The following ZNF197 variants were observed in gnomAD, a reference collection of about 807,000 sequenced individuals.
ZNF197 encodes VHL-associated KRAB-A domain-containing protein.
In ZNF197, 14 loss-of-function variants were observed where a neutral mutation model predicts 27.4. That is an observed-to-expected ratio of 0.51 (90% CI 0.34 to 0.80). The LOEUF (loss-of-function observed/expected upper bound fraction) is 0.80. Ranked by LOEUF, ZNF197 falls within the 30% of genes least tolerant of loss-of-function variation. The pLI, the probability that ZNF197 is intolerant of heterozygous loss-of-function variation, is 0.02. For missense variants in ZNF197, 1,090 were observed against 1,222.6 expected, an observed-to-expected ratio of 0.89 and a Z score of 1.62; for synonymous variants, 415 against 420.0, an observed-to-expected ratio of 0.99 and a Z score of 0.15.
Position 44,646,389 on chromosome 3 carries a change from C to CTTA in ZNF197, c.*2170_*2172dup. 1 of 1,582,066 alleles carries CTTA rather than the reference C, an allele frequency of 6.3e-7. No homozygotes were observed. Among genetic ancestry groups the CTTA allele is most frequent in the African/African-American group, 1.4e-5 (1 of 73,630 alleles). ...CACCGAGTAACAAAATGTCACATTG[C>CTTA]TTAGATTGAGACAGCCCACATAATG... On this transcript the variant is annotated 3_prime_UTR_variant, in exon 6 of 6. Coordinates refer to ENST00000344387, the MANE Select transcript of ZNF197 (RefSeq NM_006991.5).
chr3:44,632,995 C>T (rs542947318), intron 5 of ZNF197, among the ~76,000 whole-genome samples: 19 of 152,288 alleles, frequency 1.2e-4, no homozygotes, highest in African/African-American at 4.3e-4. Flanking sequence ...GTCTCTGTGC[C>T]TAAGGCCTTC....
chr3:44,642,564 G>A lies in ZNF197; in HGVS notation c.1434G>A (p.Gly478=), dbSNP rs2125822565. ...GLIIHLRRHS[G]ERPYKCNECG... Reference sequence around the variant, plus strand: ...TTATACATCTAAGGCGCCATTCAGGGGAGAGACCTTATAAGTGTAATGAAT... The same window carrying A: ...TTATACATCTAAGGCGCCATTCAGGAGAGAGACCTTATAAGTGTAATGAAT... The change falls in exon 6 of 6, where the codon GGG becomes GGA. Residue 478 remains glycine (G), a synonymous_variant. Coordinates refer to ENST00000344387, the MANE Select transcript of ZNF197 (RefSeq NM_006991.5). 1 of 1,614,096 alleles carries A rather than the reference G, an allele frequency of 6.2e-7. No homozygotes were observed. The highest frequency in any genetic ancestry group is 8.5e-7 in the Non-Finnish European group (1 of 1,180,004).
intron 3 of ZNF197, among the ~76,000 whole-genome samples, chr3:44,631,696 C>T (rs1265402910): frequency 2.0e-5 from 3 of 148,724 alleles, no homozygotes; most frequent in Non-Finnish European, 3.0e-5. Context: ...CCACTGCACC[C>T]GGCCATTTTT....
chr3:44,643,187 T>A lies in ZNF197; in HGVS notation c.2057T>A (p.Val686Asp), dbSNP rs1702730753. Residue 686 changes from valine to aspartate, a missense_variant, in exon 6 of 6, where the codon GTC becomes GAC. Transcript: ENST00000344387. ...NLYECKDCGKVFGSNRNLIDH... is the reference protein window; with the variant it reads ...NLYECKDCGKDFGSNRNLIDH... ...TATGAATGTAAAGATTGTGGTAAGG[T>A]CTTCGGTTCAAACAGAAACCTCATT... 6 of 1,612,916 alleles carry A rather than the reference T, an allele frequency of 3.7e-6. No homozygotes were observed. Among genetic ancestry groups the A allele is most frequent in the Non-Finnish European group, 5.1e-6 (6 of 1,179,818 alleles).
intron 1 of ZNF197, among the ~76,000 whole-genome samples, chr3:44,626,457 C>T (rs1701666094): frequency 1.3e-5 from 2 of 152,212 alleles, no homozygotes; most frequent in Admixed American, 6.5e-5. Flanking sequence ...TATATAGTCA[C>T]AAAGACACTT....
At chr3:44,629,624 T>C in intron 2 of ZNF197, 80 bp downstream of exon 2, 1 of 1,453,646 alleles carries the variant, frequency 6.9e-7, no homozygotes, top group Non-Finnish European at 9.1e-7. Flanking sequence ...GGTGATCCTG[T>C]GATTTTCATT....
rs2125822698 is a variant in ZNF197 at position 44,642,611 on chromosome 3, A to G, written c.1481A>G (p.Asn494Ser). ...GAATGTGGGAAAGTCTTCTCTCAGA[A>G]TGCTTACCTCATTGACCATCAGAGG... ...CNECGKVFSQ[N>S]AYLIDHQRLH... Residue 494 changes from asparagine to serine, a missense_variant, in exon 6 of 6, where the codon AAT becomes AGT. Asn to Ser is a conservative substitution (Grantham distance 46). Transcript: ENST00000344387. The G allele has an allele frequency of 6.2e-7, 1 of 1,614,052 alleles. No individual in the cohort carries two copies. Among genetic ancestry groups the G allele is most frequent in the Non-Finnish European group, 8.5e-7 (1 of 1,180,004 alleles).
intron 1 of ZNF197, among the ~76,000 whole-genome samples, chr3:44,626,782 A>G (rs879868188): frequency 6.6e-6 from 1 of 152,158 alleles, no homozygotes; most frequent in Non-Finnish European, 1.5e-5. Context: ...GGCAATATCA[A>G]AATTATACAT....
At position 44,639,776 on chromosome 3, in the gene ZNF197, G is replaced by C. The variant is rs192127028; in HGVS notation, c.770-2124G>C. 2.0e-5 allele frequency among the ~76,000 whole-genome samples: 3 copies of C among 152,078 alleles called. No individual in the cohort carries two copies. The East Asian group carries it at 5.8e-4, about 29-fold the overall frequency. On this transcript the variant is annotated intron_variant, in intron 5 of 5. Transcript: ENST00000344387. ...GCAATTCAGGAAGAGGAAAGGACACGGACAGTGATAGGCAAGAAATGACAT... is the reference window on the plus strand; with the variant it reads ...GCAATTCAGGAAGAGGAAAGGACACCGACAGTGATAGGCAAGAAATGACAT...
Position 44,629,424 on chromosome 3 carries a change from T to A in ZNF197, c.270T>A (p.Phe90Leu), listed in dbSNP as rs1280513517. 1.2e-6 allele frequency: 2 copies of A among 1,614,030 alleles called. No homozygotes were observed. Among genetic ancestry groups the A allele is most frequent in the African/African-American group, 2.7e-5 (2 of 74,912 alleles). ...QILELLVLEQFLSILPGEIRT... is the reference protein window; with the variant it reads ...QILELLVLEQLLSILPGEIRT... ...TGGAGCTGCTGGTGCTGGAGCAGTTTCTGAGCATCCTGCCTGGGGAGATTC... is the reference window on the plus strand; with the variant it reads ...TGGAGCTGCTGGTGCTGGAGCAGTTACTGAGCATCCTGCCTGGGGAGATTC... The change falls in exon 2 of 6, where the codon TTT (phenylalanine) becomes TTA (leucine). Residue 90 changes from phenylalanine to leucine, a missense_variant. By Grantham distance (22) the Phe-to-Leu change is conservative. Transcript: ENST00000344387.
intron 1 of ZNF197, 112 bp downstream of exon 1, chr3:44,625,255 C>G (rs991984610): frequency 1.3e-5 from 2 of 152,304 alleles, no homozygotes; most frequent in Non-Finnish European, 2.9e-5. Flanking sequence ...GGGCCCTGAC[C>G]CCCGGCATGG....
intron 5 of ZNF197, among the ~76,000 whole-genome samples, chr3:44,636,795 G>A (rs938455766): frequency 2.6e-5 from 4 of 152,276 alleles, no homozygotes; most frequent in African/African-American, 9.6e-5. Flanking sequence ...GTTTTCCAAA[G>A]CAACTGCACC....
chr3:44,640,995 AAG>A lies in ZNF197; in HGVS notation c.770-901_770-900del, dbSNP rs1225500446. Among the ~76,000 whole-genome samples, 3 of 152,228 alleles carry A rather than the reference AAG, an allele frequency of 2.0e-5. No homozygotes were observed. Among genetic ancestry groups the A allele is most frequent in the African/African-American group, 7.2e-5 (3 of 41,468 alleles). ...TAGAAGAAAAGTATTGTTATATTCAAAGAGAAGATGATGTTACTGCTATTCAC... is the reference window on the plus strand; with the variant it reads ...TAGAAGAAAAGTATTGTTATATTCAAAGAAGATGATGTTACTGCTATTCAC... On this transcript the variant is annotated intron_variant, in intron 5 of 5. Transcript: ENST00000344387. This position sits in a 1 kb window ranked among gnomAD's most constrained non-coding sequence, Gnocchi z 4.0.
intron 5 of ZNF197, among the ~76,000 whole-genome samples, chr3:44,639,144 T>A (rs1257881776): frequency 1.3e-5 from 2 of 152,386 alleles, no homozygotes; most frequent in East Asian, 3.9e-4. Context: ...CCTAGTGTTA[T>A]ACCAACATTA....
At chr3:44,630,994 C>T (rs1701955834) in intron 2 of ZNF197, 68 bp from the exon 3 acceptor site, 1 of 1,605,766 alleles carries the variant, frequency 6.2e-7, no homozygotes, top group Admixed American at 1.7e-5. Flanking sequence ...AGAAAGAGGT[C>T]CACAGTGCTT....
Position 44,632,504 on chromosome 3 carries a change from G to C in ZNF197, c.674G>C (p.Cys225Ser). 5 of 1,607,518 alleles carry C rather than the reference G, an allele frequency of 3.1e-6. No homozygotes were observed. The highest frequency in any genetic ancestry group is 4.2e-6 in the Non-Finnish European group (5 of 1,177,600). The change falls in exon 5 of 6, where the codon TGC becomes TCC. Residue 225 changes from cysteine to serine, a missense_variant. Cys to Ser is a moderately radical substitution (Grantham distance 112). Coordinates refer to ENST00000344387, the MANE Select transcript of ZNF197 (RefSeq NM_006991.5). ...GTGATGTTCGAGGAGGTGTCAGTAT[G>C]CTTCACTTCAGAGGAATGGGCATGT... ...ELVMFEEVSV[C>S]FTSEEWACLG...
rs1290100845 is a variant in ZNF197, at chr3:44,647,461, G to C, written c.*3241G>C. On this transcript the variant is annotated 3_prime_UTR_variant, in exon 6 of 6. Transcript: ENST00000344387. ...ATTGCACTTCTGAGCATTTATCCCAGAGAAATGAAAACTTGCGTTCACACA... is the reference window on the plus strand; with the variant it reads ...ATTGCACTTCTGAGCATTTATCCCACAGAAATGAAAACTTGCGTTCACACA... 1 of 152,122 alleles carries C rather than the reference G, an allele frequency of 6.6e-6. No individual in the cohort carries two copies. The highest frequency in any genetic ancestry group is 1.5e-5 in the Non-Finnish European group (1 of 68,012). The allele number at this position is 152,122 out of a possible 1,614,324, so 9.4% of individuals were successfully genotyped here.
intron 5 of ZNF197, among the ~76,000 whole-genome samples, chr3:44,636,970 A>G (rs1358693350): frequency 6.6e-6 from 1 of 152,212 alleles, no homozygotes; most frequent in African/African-American, 2.4e-5. Context: ...ATGTCAAGCA[A>G]CTTTTTATGT....
rs748481482 is a variant in ZNF197 at position 44,646,489 on chromosome 3, AG to A, written c.*2271del. On this transcript the variant is annotated 3_prime_UTR_variant, in exon 6 of 6. Transcript: ENST00000344387. ...ATCAAGCTTCTTGGACCTCATTGCC[AG>A]GTTACAGGAAATACAGGAGGCAGAG... 6.3e-7 allele frequency: 1 copy of A among 1,599,860 alleles called. No individual in the cohort carries two copies. The highest frequency in any genetic ancestry group is 8.6e-7 in the Non-Finnish European group (1 of 1,167,028).
Sources: allele counts gnomAD v4.1 joint callset (sites outside exome capture counted in the v4.1 genomes callset), GRCh38; gene constraint gnomAD v4.1.1; non-coding constraint Gnocchi (gnomAD v3.1); transcripts MANE v1.5; gene names NCBI Gene and HGNC (gene_info 2026-07-23, HGNC 2026-07-21).